The following PAWR variants were observed in gnomAD, a reference collection of about 807,000 sequenced individuals.
PAWR encodes the protein pro-apoptotic WT1 regulator.
In PAWR, 23 loss-of-function variants were observed where a neutral mutation model predicts 32.0. That is an observed-to-expected ratio of 0.72 (90% CI 0.52 to 1.02). PAWR has a LOEUF of 1.02. Among genes scored for constraint, PAWR ranks in the 50% least tolerant of loss-of-function variants. The pLI, the probability that PAWR is intolerant of heterozygous loss-of-function variation, is 0.00. For missense variants in PAWR, 457 were observed against 437.7 expected, an observed-to-expected ratio of 1.04 and a Z score of -0.39; for synonymous variants, 226 against 187.1, an observed-to-expected ratio of 1.21 and a Z score of -1.70.
At chr12:79,609,139 T>A (rs1296782052) in intron 4 of PAWR, among the ~76,000 whole-genome samples, 1 of 152,188 alleles carries the variant, frequency 6.6e-6, no homozygotes, top group East Asian at 1.9e-4. Flanking sequence ...AAACTTCATC[T>A]GTGACACATT....
At chr12:79,687,773 A>G (rs1388454913) in intron 2 of PAWR, among the ~76,000 whole-genome samples, 1 of 152,178 alleles carries the variant, frequency 6.6e-6, no homozygotes, top group Non-Finnish European at 1.5e-5. Context: ...TTTGCATCAT[A>G]TATTTTACCA....
intron 3 of PAWR, 86 bp downstream of exon 3, chr12:79,620,990 T>TATA: frequency 1.1e-6 from 1 of 943,474 alleles, no homozygotes; most frequent in Non-Finnish European, 1.6e-6. Context: ...CAATGGGAGA[T>TATA]ATATTACTAC....
chr12:79,621,972 G>T (rs540218740), intron 2 of PAWR, among the ~76,000 whole-genome samples: 1 of 152,132 alleles, frequency 6.6e-6, no homozygotes, highest in South Asian at 2.1e-4. Context: ...CTGCCCTAAA[G>T]GTTTCTGCAT....
chr12:79,690,429 G>T (rs1374975909), intron 1 of PAWR, 38 bp from the exon 2 acceptor site: 3 of 1,251,890 alleles, frequency 2.4e-6, no homozygotes, highest in Non-Finnish European at 3.1e-6. Context: ...TAAGGGAAGC[G>T]TAAGATCCCC....
chr12:79,595,396 C>T (rs1364455930), intron 5 of PAWR, among the ~76,000 whole-genome samples: 1 of 152,236 alleles, frequency 6.6e-6, no homozygotes, highest in Non-Finnish European at 1.5e-5. Flanking sequence ...TTCTTTCTTA[C>T]TAAACCTCCT....
At chr12:79,639,837 C>T (rs112623611) in intron 2 of PAWR, among the ~76,000 whole-genome samples, 531 of 51,074 alleles carry the variant, frequency 0.01, 4 homozygotes, top group African/African-American at 0.035. Flanking sequence ...CTTTTCCATT[C>T]CTATTCCTAT....
chr12:79,683,281 AT>A (rs1878529306), intron 2 of PAWR, among the ~76,000 whole-genome samples: 2 of 152,328 alleles, frequency 1.3e-5, no homozygotes, highest in Non-Finnish European at 2.9e-5. Flanking sequence ...TGATTTGGGC[AT>A]TTTTATAACA....
chr12:79,599,035 A>C (rs1415294076), intron 4 of PAWR, among the ~76,000 whole-genome samples: 1 of 152,204 alleles, frequency 6.6e-6, no homozygotes, highest in Non-Finnish European at 1.5e-5. Context: ...GCGCCCGGCC[A>C]ACTGACATTC....
At chr12:79,599,242 A>AT (rs1356652849) in intron 4 of PAWR, among the ~76,000 whole-genome samples, 13 of 152,224 alleles carry the variant, frequency 8.5e-5, no homozygotes, top group African/African-American at 3.1e-4. Context: ...CTAGCATCTG[A>AT]TAACAGCTGA....
intron 2 of PAWR, among the ~76,000 whole-genome samples, chr12:79,642,564 T>C (rs545445282): frequency 6.6e-6 from 1 of 152,244 alleles, no homozygotes; most frequent in Non-Finnish European, 1.5e-5. Flanking sequence ...TGTATCTTCA[T>C]TTGGCCTTTT....
At chr12:79,604,162 T>C in intron 4 of PAWR, 2 of 831,968 alleles carry the variant, frequency 2.4e-6, no homozygotes, top group Non-Finnish European at 2.9e-6. Flanking sequence ...GAATAAAAGA[T>C]TGTTCATTAA....
intron 2 of PAWR, among the ~76,000 whole-genome samples, chr12:79,678,835 T>C (rs1451747399): frequency 6.6e-6 from 1 of 151,698 alleles, no homozygotes; most frequent in African/African-American, 2.4e-5. Flanking sequence ...AAAGCCTTTA[T>C]TGACTTCCTT....
Position 79,649,414 on chromosome 12 carries a change from T to C in PAWR, c.517-28207A>G, listed in dbSNP as rs1183674457. Among the ~76,000 whole-genome samples the C allele has an allele frequency of 3.9e-5, 6 of 152,116 alleles. No individual in the cohort carries two copies. The East Asian group carries it at 5.8e-4, about 15-fold the overall frequency. On this transcript the variant is annotated intron_variant, in intron 2 of 6. Transcript: ENST00000328827. Reference sequence around the variant, plus strand: ...AAAACATATATGTCAAGGATATATATAACATACAATACATGTATGTTAGGA... The same window carrying C: ...AAAACATATATGTCAAGGATATATACAACATACAATACATGTATGTTAGGA...
rs571356911 is a variant in PAWR, at chr12:79,682,808, A to G, written c.516+6921T>C. On this transcript the variant is annotated intron_variant, in intron 2 of 6. Coordinates refer to ENST00000328827, the MANE Select transcript of PAWR (RefSeq NM_002583.4). ...GAAAGTTGACTCAGCAGTTAACCAA[A>G]TATGTTCAAAATCAATTGCCAGTCA... 1.3e-4 allele frequency among the ~76,000 whole-genome samples: 20 copies of G among 152,338 alleles called. No individual in the cohort carries two copies. In the South Asian group the frequency reaches 3.9e-3, roughly 30 times the overall value.
At chr12:79,613,502 G>C in intron 4 of PAWR, 73 bp downstream of exon 4, 1 of 745,820 alleles carries the variant, frequency 1.3e-6, no homozygotes, top group Non-Finnish European at 2.3e-6. Context: ...GCTTTAAATA[G>C]TTCTAGTTAA....
Position 79,590,683 on chromosome 12 carries a change from G to A in PAWR, c.*1924C>T, listed in dbSNP as rs1227210196. On this transcript the variant is annotated 3_prime_UTR_variant, in exon 7 of 7. Coordinates refer to ENST00000328827, the MANE Select transcript of PAWR (RefSeq NM_002583.4). ...ATGACGAACTAGGCAATAAGGACAT[G>A]TGTGCCACATAACTAAGGGTAACTA... The A allele has an allele frequency of 6.6e-6, 1 of 152,168 alleles. No homozygotes were observed. Among genetic ancestry groups the A allele is most frequent in the Non-Finnish European group, 1.5e-5 (1 of 68,048 alleles). The allele number at this position is 152,168 out of a possible 1,614,324, so 9.4% of individuals were successfully genotyped here.
intron 2 of PAWR, among the ~76,000 whole-genome samples, chr12:79,630,058 T>C (rs1875532361): frequency 6.6e-6 from 1 of 151,492 alleles, no homozygotes. Flanking sequence ...CTTAAAAAGC[T>C]ATAAAAAGGG....
intron 2 of PAWR, among the ~76,000 whole-genome samples, chr12:79,659,012 A>T (rs1877224178): frequency 6.6e-6 from 1 of 151,888 alleles, no homozygotes; most frequent in African/African-American, 2.4e-5. Flanking sequence ...AACCACACAC[A>T]TCTGGCTGGG....
chr12:79,629,130 C>A (rs546131625), intron 2 of PAWR, among the ~76,000 whole-genome samples: 1 of 152,046 alleles, frequency 6.6e-6, no homozygotes, highest in African/African-American at 2.4e-5. Context: ...AAACAAAGAT[C>A]AAGCAGGAAG....
Sources: gnomAD v4.1 joint callset for allele counts (sites outside exome capture counted in the v4.1 genomes callset) on GRCh38, gnomAD v4.1.1 for gene constraint, MANE v1.5 for transcripts, NCBI Gene and HGNC (gene_info 2026-07-23, HGNC 2026-07-21) for gene names.